ALK: variants seen among roughly 807,000 people sequenced by gnomAD.
ALK encodes ALK receptor tyrosine kinase, also known as ALK tyrosine kinase receptor.
In ALK, 74 loss-of-function variants were observed where a neutral mutation model predicts 163.1. The ratio of observed to expected loss-of-function variants is 0.45; its 90% confidence interval spans 0.38 to 0.55. The LOEUF is 0.55. Among genes scored for constraint, ALK ranks in the 20% least tolerant of loss-of-function variants. ALK has a pLI of 0.00. For missense variants in ALK, 2,063 were observed against 2,105.3 expected (o/e 0.98, Z 0.39); for synonymous variants, 960 against 843.2 (o/e 1.14, Z -2.40).
intron 3 of ALK, among the ~76,000 whole-genome samples, chr2:29,536,085 G>T (rs986877297): frequency 3.9e-5 from 6 of 152,070 alleles, no homozygotes; most frequent in African/African-American, 1.2e-4. Flanking sequence ...CTAAATGTCT[G>T]GTATGCAACA....
intron 2 of ALK, among the ~76,000 whole-genome samples, chr2:29,702,347 G>A (rs542304521): frequency 1.3e-5 from 2 of 152,240 alleles, no homozygotes; most frequent in South Asian, 4.2e-4. Context: ...AAAGGACCTG[G>A]GCCCAGAGAG....
At chr2:29,735,806 A>T (rs551661806) in intron 1 of ALK, among the ~76,000 whole-genome samples, 3 of 152,004 alleles carry the variant, frequency 2.0e-5, no homozygotes, top group Non-Finnish European at 4.4e-5. Flanking sequence ...TATTTGCTTC[A>T]ATTTCTGCCA....
intron 4 of ALK, among the ~76,000 whole-genome samples, chr2:29,448,714 A>G (rs1045413874): frequency 2.0e-5 from 3 of 152,214 alleles, no homozygotes; most frequent in African/African-American, 7.2e-5. Flanking sequence ...ATCCCCATAT[A>G]TATTCAGACC....
chr2:29,623,866 A>T (rs534757743), intron 3 of ALK, among the ~76,000 whole-genome samples: 1 of 152,360 alleles, frequency 6.6e-6, no homozygotes, highest in Non-Finnish European at 1.5e-5. Flanking sequence ...TATAATATAG[A>T]AGTCTTTCTT....
intron 1 of ALK, among the ~76,000 whole-genome samples, chr2:29,754,147 T>C (rs1680450437): frequency 6.6e-6 from 1 of 152,220 alleles, no homozygotes; most frequent in Non-Finnish European, 1.5e-5. Context: ...GCAGTGCTCA[T>C]TCTGTTCTGC....
intron 28 of ALK, among the ~76,000 whole-genome samples, chr2:29,195,984 CAG>C (rs1375456129): frequency 1.3e-5 from 2 of 152,032 alleles, no homozygotes; most frequent in Non-Finnish European, 2.9e-5. Flanking sequence ...GTATCAGAGA[CAG>C]GGAGGAAATG....
At chr2:29,488,162 T>C (rs942293837) in intron 4 of ALK, among the ~76,000 whole-genome samples, 8 of 152,214 alleles carry the variant, frequency 5.3e-5, no homozygotes, top group Non-Finnish European at 1.0e-4. Flanking sequence ...ACAAAGCACG[T>C]GCTATTTATA....
intron 12 of ALK, among the ~76,000 whole-genome samples, chr2:29,250,427 C>T (rs112302224): frequency 0.016 from 2,434 of 152,270 alleles, 80 homozygotes; most frequent in African/African-American, 0.055. Flanking sequence ...TGACACCACC[C>T]GAGAACTTGT....
chr2:29,545,950 G>C (rs1304997205), intron 3 of ALK, among the ~76,000 whole-genome samples: 1 of 152,078 alleles, frequency 6.6e-6, no homozygotes, highest in East Asian at 1.9e-4. Flanking sequence ...ACAACCTTTC[G>C]GGTCCTACTT....
At chr2:29,347,451 T>C (rs1384406678) in intron 5 of ALK, among the ~76,000 whole-genome samples, 1 of 152,150 alleles carries the variant, frequency 6.6e-6, no homozygotes, top group East Asian at 1.9e-4. Flanking sequence ...GGGGTGTGAA[T>C]GGTCAGGAAG....
chr2:29,684,383 G>A (rs1678175961), intron 3 of ALK, among the ~76,000 whole-genome samples: 1 of 152,182 alleles, frequency 6.6e-6, no homozygotes, highest in Admixed American at 6.5e-5. Context: ...CGCCAACCCA[G>A]CACTCAACTC....
intron 1 of ALK, among the ~76,000 whole-genome samples, chr2:29,908,682 T>C (rs1465201271): frequency 2.0e-5 from 3 of 152,234 alleles, no homozygotes; most frequent in Non-Finnish European, 4.4e-5. Flanking sequence ...CACTGAAAAC[T>C]ACTGCTCATC....
chr2:29,705,283 A>ATC (rs34226432), intron 2 of ALK, among the ~76,000 whole-genome samples: 6 of 50,850 alleles, frequency 1.2e-4, no homozygotes, highest in African/African-American at 2.5e-4. Context: ...ATATATATAA[A>ATC]TATATATCTG....
At chr2:29,565,547 G>T (rs903092764) in intron 3 of ALK, among the ~76,000 whole-genome samples, 1 of 152,178 alleles carries the variant, frequency 6.6e-6, no homozygotes, top group South Asian at 2.1e-4. Context: ...AACAACAGCA[G>T]AGCCTAAACA....
intron 3 of ALK, among the ~76,000 whole-genome samples, chr2:29,590,334 G>A (rs952549480): frequency 3.9e-5 from 6 of 152,064 alleles, no homozygotes; most frequent in South Asian, 2.1e-4. Context: ...GCATGGTTCC[G>A]CGGCTTGTTT....
chr2:29,384,431 T>A (rs759272583), intron 4 of ALK, among the ~76,000 whole-genome samples: 7 of 152,286 alleles, frequency 4.6e-5, no homozygotes, highest in South Asian at 2.1e-4. Flanking sequence ...AAGACTGACG[T>A]GGACTTTGCA....
intron 3 of ALK, among the ~76,000 whole-genome samples, chr2:29,551,822 C>T (rs1167537223): frequency 1.3e-5 from 2 of 151,964 alleles, no homozygotes; most frequent in Non-Finnish European, 2.9e-5. Context: ...AAAACACCTG[C>T]TACTTAAAAA....
At chr2:29,738,877 A>G (rs1679968790) in intron 1 of ALK, among the ~76,000 whole-genome samples, 1 of 152,098 alleles carries the variant, frequency 6.6e-6, no homozygotes, top group African/African-American at 2.4e-5. Flanking sequence ...TCCAGTTCCA[A>G]AAATAGCAAA....
rs565973811 is a variant in ALK at position 29,709,970 on chromosome 2, C to A, written c.787+7608G>T. On this transcript the variant is annotated intron_variant, in intron 2 of 28. Transcript: ENST00000389048. ...TTGCTGTTGATATGATTTGTCTGTG[C>A]CCCCACCCAAATCTCATCTTGAACT... 3.3e-5 allele frequency among the ~76,000 whole-genome samples: 5 copies of A among 152,222 alleles called. No homozygotes were observed. The South Asian group carries it at 1.0e-3, about 32-fold the overall frequency.
Sources: allele counts gnomAD v4.1 joint callset (sites outside exome capture counted in the v4.1 genomes callset), GRCh38; gene constraint gnomAD v4.1.1; transcripts MANE v1.5; gene names NCBI Gene and HGNC (gene_info 2026-07-23, HGNC 2026-07-21).